Variants in CDH13 observed in about 807,000 individuals in gnomAD.
CDH13 encodes cadherin-13.
CDH13 carries 24 observed loss-of-function variants against 63.8 expected under a neutral mutation model. The ratio of observed to expected loss-of-function variants is 0.38; its 90% CI spans 0.27 to 0.53. The LOEUF (loss-of-function observed/expected upper bound fraction) is 0.53. Ranked by LOEUF, CDH13 falls within the 20% of genes least tolerant of loss-of-function variation. CDH13 has a pLI of 0.85. For synonymous variants in CDH13, 503 were observed against 355.3 expected, an observed-to-expected ratio of 1.42 and a Z score of -4.67; for missense variants, 1,049 against 903.1, an observed-to-expected ratio of 1.16 and a Z score of -2.07.
intron 5 of CDH13, among the ~76,000 whole-genome samples, chr16:83,286,520 C>G (rs1051663457): frequency 6.6e-6 from 1 of 151,990 alleles, no homozygotes; most frequent in Non-Finnish European, 1.5e-5. Context: ...CTTTGGGAGG[C>G]CAAGGCAGAC....
intron 2 of CDH13, among the ~76,000 whole-genome samples, chr16:82,995,427 C>T (rs1912095564): frequency 6.6e-6 from 1 of 152,178 alleles, no homozygotes; most frequent in African/African-American, 2.4e-5. Flanking sequence ...TTTTCCCTTC[C>T]TGTTTTTCCC....
At chr16:83,084,642 A>C (rs569336467) in intron 3 of CDH13, among the ~76,000 whole-genome samples, 1 of 152,168 alleles carries the variant, frequency 6.6e-6, no homozygotes, top group Non-Finnish European at 1.5e-5. Flanking sequence ...TAATCCCAAC[A>C]CATCCGGAGG....
chr16:83,376,114 G>A (rs370250820), intron 6 of CDH13, among the ~76,000 whole-genome samples: 1 of 152,122 alleles, frequency 6.6e-6, no homozygotes, highest in Non-Finnish European at 1.5e-5. Context: ...CTTTCCCCAG[G>A]TGATAGCAAA....
intron 6 of CDH13, among the ~76,000 whole-genome samples, chr16:83,384,654 G>A (rs956466821): frequency 4.6e-5 from 7 of 152,212 alleles, no homozygotes; most frequent in South Asian, 2.1e-4. Flanking sequence ...CATGGGATCC[G>A]AGGGTATGGA....
At chr16:83,268,993 G>A (rs1017806774) in intron 5 of CDH13, among the ~76,000 whole-genome samples, 1 of 152,188 alleles carries the variant, frequency 6.6e-6, no homozygotes, top group Non-Finnish European at 1.5e-5. Flanking sequence ...ATTTCCTTCT[G>A]ACCAGACAAC....
chr16:83,439,270 A>G (rs1177347448), intron 6 of CDH13, among the ~76,000 whole-genome samples: 1 of 152,214 alleles, frequency 6.6e-6, no homozygotes, highest in African/African-American at 2.4e-5. Context: ...AGCTATTAAT[A>G]CTATTTATTG....
At chr16:83,612,643 C>G (rs766085264) in intron 8 of CDH13, among the ~76,000 whole-genome samples, 6 of 151,852 alleles carry the variant, frequency 4.0e-5, no homozygotes, top group African/African-American at 1.4e-4. Context: ...TTTATAATTT[C>G]ATATTCAGCT....
intron 7 of CDH13, among the ~76,000 whole-genome samples, chr16:83,498,140 C>T (rs1253709025): frequency 6.6e-6 from 1 of 152,156 alleles, no homozygotes; most frequent in Non-Finnish European, 1.5e-5. Context: ...GGAATGGCTA[C>T]TTTCATTATG....
At chr16:83,008,042 G>T (rs1014490146) in intron 2 of CDH13, among the ~76,000 whole-genome samples, 1 of 152,012 alleles carries the variant, frequency 6.6e-6, no homozygotes, top group Non-Finnish European at 1.5e-5. Flanking sequence ...GAGAAGACAC[G>T]GAAATGAAGG....
At chr16:83,592,686 C>G (rs1223840130) in intron 7 of CDH13, among the ~76,000 whole-genome samples, 2 of 152,212 alleles carry the variant, frequency 1.3e-5, no homozygotes, top group Non-Finnish European at 2.9e-5. Context: ...TGCTGCTTCT[C>G]CACCCTGCCA....
intron 6 of CDH13, among the ~76,000 whole-genome samples, chr16:83,420,205 C>T (rs889520743): frequency 3.9e-5 from 6 of 152,142 alleles, no homozygotes; most frequent in African/African-American, 9.7e-5. Context: ...CTAAATCGAG[C>T]TGTCACAATC....
chr16:83,014,754 A>ATATATATATATG (rs1914536341), intron 2 of CDH13, among the ~76,000 whole-genome samples: 2 of 43,410 alleles, frequency 4.6e-5, no homozygotes, highest in African/African-American at 1.6e-4. Context: ...ATATATATAT[A>ATATATATATATG]TATATATATA....
At chr16:83,215,929 T>C (rs1597533014) in intron 4 of CDH13, among the ~76,000 whole-genome samples, 1 of 152,172 alleles carries the variant, frequency 6.6e-6, no homozygotes, top group East Asian at 1.9e-4. Context: ...GGGTAAACTC[T>C]AGATTCCACT....
chr16:83,585,730 C>G (rs990111784), intron 7 of CDH13, among the ~76,000 whole-genome samples: 1 of 151,494 alleles, frequency 6.6e-6, no homozygotes, highest in African/African-American at 2.4e-5. Context: ...GAGTGGCAAC[C>G]TACCAAAAAA....
chr16:83,254,471 A>G (rs536875658), intron 5 of CDH13, among the ~76,000 whole-genome samples: 1 of 152,248 alleles, frequency 6.6e-6, no homozygotes, highest in African/African-American at 2.4e-5. Flanking sequence ...TCTCCTTTTT[A>G]CCTCAGCCAA....
At chr16:83,287,107 A>G (rs1567565403) in intron 5 of CDH13, among the ~76,000 whole-genome samples, 1 of 152,156 alleles carries the variant, frequency 6.6e-6, no homozygotes, top group Non-Finnish European at 1.5e-5. Flanking sequence ...GCCTTCAGGT[A>G]CTTTATAGGC....
chr16:82,934,769 C>T lies in CDH13; in HGVS notation c.157+76296C>T, dbSNP rs1180088702. 6.6e-5 allele frequency among the ~76,000 whole-genome samples: 10 copies of T among 152,358 alleles called. No homozygotes were observed. In the South Asian group the frequency reaches 2.1e-3, roughly 32 times the overall value. On this transcript the variant is annotated intron_variant, in intron 2 of 13. Coordinates refer to ENST00000567109, the MANE Select transcript of CDH13 (RefSeq NM_001257.5). ...AATGCCATCAGTCTCTTTGCTAAAG[C>T]ATAGCAAGAGTGACCTTTGCTTCAG...
intron 2 of CDH13, among the ~76,000 whole-genome samples, chr16:82,884,893 A>T (rs546650524): frequency 1.3e-5 from 2 of 152,290 alleles, no homozygotes; most frequent in South Asian, 4.1e-4. Context: ...AGTTGCGTCA[A>T]ATTTTTATTT....
At chr16:82,795,512 C>T (rs985099823) in intron 1 of CDH13, among the ~76,000 whole-genome samples, 2 of 152,208 alleles carry the variant, frequency 1.3e-5, no homozygotes, top group Non-Finnish European at 2.9e-5. Flanking sequence ...CCCTGGCCAC[C>T]TGTCCCACAT....
Sources: gnomAD v4.1 joint callset for allele counts (sites outside exome capture counted in the v4.1 genomes callset) on GRCh38, gnomAD v4.1.1 for gene constraint, MANE v1.5 for transcripts, NCBI Gene and HGNC (gene_info 2026-07-23, HGNC 2026-07-21) for gene names.